The following VTI1A variants were observed in gnomAD, a reference collection of about 807,000 sequenced individuals.
VTI1A encodes the protein vesicle transport through interaction with t-SNAREs 1A.
VTI1A carries 22 observed loss-of-function variants against 34.9 expected under a neutral mutation model. The observed-to-expected ratio is 0.63, with a 90% confidence interval of 0.45 to 0.90. VTI1A has a LOEUF of 0.90. VTI1A is among the 40% of genes least tolerant of loss of function. The pLI, the probability that VTI1A is intolerant of heterozygous loss-of-function variation, is 0.00. For missense variants in VTI1A, 268 were observed against 275.6 expected (o/e 0.97, Z 0.20); for synonymous variants, 87 against 97.3 (o/e 0.89, Z 0.62).
At chr10:112,480,835 C>T (rs1164034708) in intron 3 of VTI1A, among the ~76,000 whole-genome samples, 5 of 152,150 alleles carry the variant, frequency 3.3e-5, no homozygotes, top group African/African-American at 1.2e-4. Flanking sequence ...ATGCCCAGCT[C>T]CCACTCCCAG....
intron 7 of VTI1A, among the ~76,000 whole-genome samples, chr10:112,724,067 A>G (rs1237629798): frequency 6.6e-6 from 1 of 152,172 alleles, no homozygotes; most frequent in East Asian, 1.9e-4. Flanking sequence ...CATTGCAGAC[A>G]CTGCATATCT....
At chr10:112,592,640 CT>C (rs1212715905) in intron 5 of VTI1A, among the ~76,000 whole-genome samples, 1 of 152,170 alleles carries the variant, frequency 6.6e-6, no homozygotes. Flanking sequence ...TGACATAGTA[CT>C]TTGCACACAG....
intron 3 of VTI1A, among the ~76,000 whole-genome samples, chr10:112,494,795 T>C (rs922719247): frequency 6.6e-6 from 1 of 152,226 alleles, no homozygotes; most frequent in African/African-American, 2.4e-5. Flanking sequence ...ATTACAGGCA[T>C]GAGCCACCGC....
chr10:112,721,594 T>G (rs1025021103), intron 7 of VTI1A, among the ~76,000 whole-genome samples: 1 of 152,216 alleles, frequency 6.6e-6, no homozygotes, highest in Non-Finnish European at 1.5e-5. Flanking sequence ...TCCTAAAGTC[T>G]GAGGCAGAGC....
At chr10:112,741,542 A>G (rs1850696145) in intron 7 of VTI1A, among the ~76,000 whole-genome samples, 1 of 152,208 alleles carries the variant, frequency 6.6e-6, no homozygotes, top group African/African-American at 2.4e-5. Flanking sequence ...AACTCAGTGA[A>G]CACACTAAAA....
At chr10:112,513,862 C>T (rs575560153) in intron 3 of VTI1A, among the ~76,000 whole-genome samples, 97 of 151,900 alleles carry the variant, frequency 6.4e-4, no homozygotes, top group Non-Finnish European at 1.2e-3. Context: ...ATTGAACCAT[C>T]CTTGTATCTC....
intron 3 of VTI1A, among the ~76,000 whole-genome samples, chr10:112,510,227 C>T (rs935608871): frequency 2.0e-5 from 3 of 152,180 alleles, no homozygotes; most frequent in African/African-American, 7.2e-5. Context: ...TGAAGCATTC[C>T]AGTGAGATTT....
At chr10:112,453,246 T>G (rs1847308026) in intron 1 of VTI1A, among the ~76,000 whole-genome samples, 1 of 152,242 alleles carries the variant, frequency 6.6e-6, no homozygotes, top group Admixed American at 6.5e-5. Context: ...GAATACATAC[T>G]GTCAACATGA....
downstream of VTI1A, among the ~76,000 whole-genome samples, chr10:112,821,225 G>A (rs994465976): frequency 5.9e-5 from 9 of 152,148 alleles, no homozygotes; most frequent in Non-Finnish European, 1.0e-4. Flanking sequence ...ATAGCTCAGC[G>A]GCTCCGAAGC....
chr10:112,793,664 C>T, intron 7 of VTI1A, among the ~76,000 whole-genome samples: 1 of 152,182 alleles, frequency 6.6e-6, no homozygotes, highest in South Asian at 2.1e-4. Flanking sequence ...TTAAAAATAG[C>T]TTCCTTGGTG....
At chr10:112,583,986 A>G (rs538226968) in intron 5 of VTI1A, among the ~76,000 whole-genome samples, 38 of 152,346 alleles carry the variant, frequency 2.5e-4, no homozygotes, top group African/African-American at 8.7e-4. Context: ...GCAGTCACAT[A>G]TAATGTTCTC....
intron 7 of VTI1A, among the ~76,000 whole-genome samples, chr10:112,812,604 G>A (rs1274245446): frequency 6.6e-6 from 1 of 152,152 alleles, no homozygotes; most frequent in African/African-American, 2.4e-5. Context: ...TGGTCCTGAG[G>A]GGTATCACAT....
chr10:112,671,178 G>A (rs887126650), intron 7 of VTI1A, among the ~76,000 whole-genome samples: 1 of 152,192 alleles, frequency 6.6e-6, no homozygotes, highest in African/African-American at 2.4e-5. Flanking sequence ...TGAATGCTCT[G>A]ATTTTGCTTT....
intron 7 of VTI1A, among the ~76,000 whole-genome samples, chr10:112,687,303 A>G (rs965199208): frequency 1.6e-5 from 2 of 126,378 alleles, no homozygotes; most frequent in Admixed American, 1.1e-4. Flanking sequence ...GCGCGATCTC[A>G]GCTCACTGCA....
chr10:112,511,622 T>C (rs1161511519), intron 3 of VTI1A, among the ~76,000 whole-genome samples: 1 of 152,156 alleles, frequency 6.6e-6, no homozygotes, highest in African/African-American at 2.4e-5. Flanking sequence ...AAGTTAAGTA[T>C]ATTCACTCTA....
downstream of VTI1A, among the ~76,000 whole-genome samples, chr10:112,821,530 G>A (rs551556131): frequency 1.8e-4 from 27 of 152,270 alleles, no homozygotes; most frequent in Admixed American, 5.9e-4. Context: ...ACATCCTCCC[G>A]CTCCAGTTTC....
chr10:112,452,215 G>T (rs536132655), intron 1 of VTI1A, among the ~76,000 whole-genome samples: 1 of 152,062 alleles, frequency 6.6e-6, no homozygotes, highest in South Asian at 2.1e-4. Flanking sequence ...TTTTTCAATT[G>T]AGCATACAGG....
At chr10:112,644,992 G>A (rs1428512028) in intron 5 of VTI1A, among the ~76,000 whole-genome samples, 1 of 152,178 alleles carries the variant, frequency 6.6e-6, no homozygotes, top group Non-Finnish European at 1.5e-5. Flanking sequence ...ATATGAACCT[G>A]TTCTATTAAA....
the VTI1A span, among the ~76,000 whole-genome samples, chr10:112,832,809 G>A: frequency 6.6e-6 from 1 of 152,180 alleles, no homozygotes; most frequent in African/African-American, 2.4e-5. Flanking sequence ...GCTCCTCTGT[G>A]GGCCTGCCAA....
Sources: allele counts gnomAD v4.1 joint callset (sites outside exome capture counted in the v4.1 genomes callset), GRCh38; gene constraint gnomAD v4.1.1; transcripts MANE v1.5; gene names NCBI Gene and HGNC (gene_info 2026-07-23, HGNC 2026-07-21).